The following INTS7 variants were observed in gnomAD, a reference collection of about 807,000 sequenced individuals.
INTS7 encodes integrator complex subunit 7.
Under a neutral mutation model 109.2 loss-of-function variants are expected in INTS7, and 46 were observed. The ratio of observed to expected loss-of-function variants is 0.42; its 90% confidence interval spans 0.33 to 0.54. INTS7 has a LOEUF of 0.54. Ranked by LOEUF, INTS7 falls within the 20% of genes least tolerant of loss-of-function variation. The pLI is 0.07. For missense variants in INTS7, 929 were observed against 1,132.4 expected, an observed-to-expected ratio of 0.82 and a Z score of 2.58; for synonymous variants, 412 against 402.9, an observed-to-expected ratio of 1.02 and a Z score of -0.27.
intron 17 of INTS7, among the ~76,000 whole-genome samples, chr1:211,951,388 A>T (rs541466675): frequency 1.1e-3 from 168 of 152,222 alleles, no homozygotes; most frequent in African/African-American, 3.8e-3. Flanking sequence ...AGCTCACTGC[A>T]ACCTCCGCCA....
chr1:212,022,663 T>C (rs1172756326), intron 1 of INTS7, among the ~76,000 whole-genome samples: 2 of 151,990 alleles, frequency 1.3e-5, no homozygotes, highest in Non-Finnish European at 2.9e-5. Context: ...GGATATGGGA[T>C]AACTATAACT....
In INTS7 at chr1:211,981,140, C is replaced by T; in HGVS notation, c.1183G>A (p.Val395Ile). The change falls in exon 10 of 20, where the codon GTA becomes ATA. Residue 395 changes from valine to isoleucine, a missense_variant. This residue lies in a region of INTS7 where 787 missense variants were observed against 901.1 expected (regional missense o/e 0.87). Transcript: ENST00000366994. The part of the protein sequence containing the change: ...DAVFGLESLL[V>I]LCSQDDSPGA... The stretch of plus-strand genomic sequence containing the variant: ...GGACTATCATCTTGACTACAAAGTA[C>T]CAGTAGGGATTCCAGGCCAAAGACA... 4 of 1,613,484 alleles carry T rather than the reference C, an allele frequency of 2.5e-6. No individual in the cohort carries two copies. The highest frequency in any genetic ancestry group is 3.4e-6 in the Non-Finnish European group (4 of 1,179,602).
intron 10 of INTS7, among the ~76,000 whole-genome samples, chr1:211,979,119 CAA>C (rs1235308188): frequency 6.6e-6 from 1 of 152,154 alleles, no homozygotes; most frequent in East Asian, 1.9e-4. Flanking sequence ...AATATCCAGC[CAA>C]AAAACTAGAA....
At chr1:211,994,540 C>T (rs1270350272) in intron 7 of INTS7, among the ~76,000 whole-genome samples, 6 of 150,998 alleles carry the variant, frequency 4.0e-5, no homozygotes, top group African/African-American at 7.3e-5. Context: ...TCTCCTGCCT[C>T]GGCCTCCTGA....
chr1:211,971,915 C>CAAAAAAAAAAAAA (rs745814699), intron 13 of INTS7, among the ~76,000 whole-genome samples: 3 of 79,794 alleles, frequency 3.8e-5, no homozygotes, highest in African/African-American at 4.9e-5. Flanking sequence ...AACTCAGTCT[C>CAAAAAAAAAAAAA]AAAAAAAAAA....
In INTS7 at chr1:211,940,573, C is replaced by G. The variant is rs533391066; in HGVS notation, c.*1251G>C. The G allele has an allele frequency of 1.4e-4, 21 of 152,216 alleles. No individual in the cohort carries two copies. Among genetic ancestry groups the G allele is most frequent in the African/African-American group, 5.1e-4 (21 of 41,540 alleles). The allele number at this position is 152,216 out of a possible 1,614,324, so 9.4% of individuals were successfully genotyped here. A position where few individuals can be genotyped will look rare whatever the true frequency, so the allele number is the denominator to read the frequency against. ...CCCTAAATGATCCCCAATCAAAAAG[C>G]AGTTAAGTTATATCTACCATACTGT... is the stretch of plus-strand genomic sequence containing the variant. On this transcript the variant is annotated 3_prime_UTR_variant, in exon 20 of 20. Transcript: ENST00000366994.
chr1:211,999,471 A>G lies in INTS7; in HGVS notation c.879+7168T>C, dbSNP rs147960741. 2.1e-3 allele frequency among the ~76,000 whole-genome samples: 317 copies of G among 152,290 alleles called. 3 individuals carry two copies. The highest frequency in any genetic ancestry group is 7.5e-3 in the African/African-American group (311 of 41,574). On this transcript the variant is annotated intron_variant, in intron 7 of 19. Coordinates refer to ENST00000366994, the MANE Select transcript of INTS7 (RefSeq NM_015434.4). ...GGGTTGGGGAAAGGACTGACTACAG[A>G]GGGGCCTGCAGAAACTTCTGGGGGT...
intron 19 of INTS7, among the ~76,000 whole-genome samples, chr1:211,944,262 AAG>A (rs1183099706): frequency 3.1e-4 from 47 of 152,284 alleles, no homozygotes; most frequent in African/African-American, 8.9e-4. Context: ...CTCCTGATGT[AAG>A]AGAGACCTTT....
intron 13 of INTS7, 38 bp downstream of exon 13, chr1:211,975,128 T>C (rs761268704): frequency 5.2e-5 from 74 of 1,430,008 alleles, no homozygotes; most frequent in Non-Finnish European, 7.3e-5. Flanking sequence ...AACTCTCACA[T>C]AAATCATCAC....
Position 211,946,742 on chromosome 1 carries a change from A to G in INTS7, c.2317-37T>C. 6.8e-7 allele frequency: 1 copy of G among 1,468,354 alleles called. No homozygotes were observed. Among genetic ancestry groups the G allele is most frequent in the Non-Finnish European group, 9.4e-7 (1 of 1,059,188 alleles). 91.0% of individuals were successfully genotyped at this position (1,468,354 alleles called of 1,614,324 possible). ...AAGAAACTAAATCAAATAAAAATAA[A>G]TTTTCAAATTTCATCAACAAGTGGT... On this transcript the variant is annotated intron_variant, in intron 17 of 19. Transcript: ENST00000366994. The surrounding 1 kb of genome is among the most constrained non-coding windows in gnomAD (Gnocchi z 4.3).
chr1:211,958,490 G>A (rs541683619), intron 16 of INTS7, among the ~76,000 whole-genome samples: 43 of 151,878 alleles, frequency 2.8e-4, no homozygotes, highest in African/African-American at 9.7e-4. Context: ...TGATTGCTAC[G>A]TGTGCCTTGC....
At chr1:212,017,192 C>T (rs917887076) in intron 3 of INTS7, among the ~76,000 whole-genome samples, 169 bp from the exon 4 acceptor site, 1 of 152,172 alleles carries the variant, frequency 6.6e-6, no homozygotes, top group East Asian at 1.9e-4. Context: ...ATTTTAAACG[C>T]TTTTACATAT....
rs1230694639 is a variant in INTS7 at position 211,941,796 on chromosome 1, G to C, written c.*28C>G. On this transcript the variant is annotated 3_prime_UTR_variant, in exon 20 of 20. Transcript: ENST00000366994. ...TTTCTGGCAATTTGATTGATCTCTTGAGAGTCTGCAGTGCATTCATTCCAT... is the reference window on the plus strand; with the variant it reads ...TTTCTGGCAATTTGATTGATCTCTTCAGAGTCTGCAGTGCATTCATTCCAT... 56 of 1,604,682 alleles carry C rather than the reference G, an allele frequency of 3.5e-5. No individual in the cohort carries two copies. Among genetic ancestry groups the C allele is most frequent in the Non-Finnish European group, 4.6e-5 (54 of 1,174,768 alleles).
In INTS7 at chr1:211,975,383, A is replaced by G. The variant is rs1422637603; in HGVS notation, c.1609-11T>C. ...CATGTCATGATTACCCTAAAAACAA[A>G]AAAAGAAAAGAAAAAAGAATAGAAG... is the stretch of plus-strand genomic sequence containing the variant. On this transcript the variant is annotated splice_polypyrimidine_tract_variant and intron_variant, in intron 12 of 19. Coordinates refer to ENST00000366994, the MANE Select transcript of INTS7 (RefSeq NM_015434.4). 1 of 1,605,722 alleles carries G rather than the reference A, an allele frequency of 6.2e-7. No homozygotes were observed. Among genetic ancestry groups the G allele is most frequent in the Non-Finnish European group, 8.5e-7 (1 of 1,173,882 alleles).
At chr1:212,004,214 T>G (rs1285732031) in intron 7 of INTS7, among the ~76,000 whole-genome samples, 2 of 152,068 alleles carry the variant, frequency 1.3e-5, no homozygotes, top group Non-Finnish European at 2.9e-5. Flanking sequence ...TGGTGGCACA[T>G]GCCTGTAGTC....
At chr1:212,016,787 C>A in intron 4 of INTS7, 99 bp downstream of exon 4, 1 of 898,818 alleles carries the variant, frequency 1.1e-6, no homozygotes. Context: ...TTACACTTTC[C>A]TGTATCTCTC....
At chr1:211,974,276 A>AATTATATATAT in intron 13 of INTS7, among the ~76,000 whole-genome samples, 1 of 92,410 alleles carries the variant, frequency 1.1e-5, no homozygotes, top group East Asian at 2.8e-4. Context: ...AGAAAAAAAA[A>AATTATATATAT]ATATATATAT....
At chr1:211,977,039 CAAAAAT>C (rs1344142157) in intron 11 of INTS7, among the ~76,000 whole-genome samples, 1 of 151,642 alleles carries the variant, frequency 6.6e-6, no homozygotes, top group Non-Finnish European at 1.5e-5. Context: ...GCAAAATACG[CAAAAAT>C]ATGCAAAATG....
intron 7 of INTS7, among the ~76,000 whole-genome samples, chr1:211,992,576 G>A (rs1340408247): frequency 1.3e-5 from 2 of 152,058 alleles, no homozygotes; most frequent in African/African-American, 4.8e-5. Flanking sequence ...CTAGCTACTT[G>A]GGAGGCTGAG....
Sources: gnomAD v4.1 joint callset for allele counts (sites outside exome capture counted in the v4.1 genomes callset) on GRCh38, gnomAD v4.1.1 for gene constraint, gnomAD v4.1.1 regional missense constraint, Gnocchi (gnomAD v3.1) non-coding constraint, MANE v1.5 for transcripts, NCBI Gene and HGNC (gene_info 2026-07-23, HGNC 2026-07-21) for gene names.